The following CHLSN variants were observed in gnomAD, a reference collection of about 807,000 sequenced individuals.
The protein encoded by CHLSN is protein cholesin.
the CHLSN span, among the ~76,000 whole-genome samples, chr7:991,069 T>C: frequency 7.2e-5 from 11 of 151,958 alleles, no homozygotes; most frequent in African/African-American, 2.7e-4. Flanking sequence ...GCCCCCGCCT[T>C]ACATTGGCCT....
chr7:982,293 C>G, the CHLSN span, among the ~76,000 whole-genome samples: 345 of 152,362 alleles, frequency 2.3e-3, 3 homozygotes, highest in African/African-American at 8.0e-3. Flanking sequence ...GTGAGGGCCT[C>G]AGGCTGCCTC....
At chr7:1,076,740 G>A in the CHLSN span, among the ~76,000 whole-genome samples, 313 of 152,350 alleles carry the variant, frequency 2.1e-3, 1 homozygote, top group African/African-American at 7.1e-3. Flanking sequence ...GCCTTGGCCA[G>A]GACTCTTCCC....
chr7:996,366 CCAAGGGGGCA>C, the CHLSN span, among the ~76,000 whole-genome samples: 2 of 152,210 alleles, frequency 1.3e-5, no homozygotes, highest in Non-Finnish European at 2.9e-5. Context: ...GGCGGGGCAC[CCAAGGGGGCA>C]CTCAGGGCCT....
the CHLSN span, chr7:984,937 T>G: frequency 6.3e-7 from 1 of 1,588,360 alleles, no homozygotes; most frequent in Non-Finnish European, 8.5e-7. Context: ...CCACGCACTG[T>G]ATCTGCCTAC....
At chr7:1,007,597 G>A in the CHLSN span, among the ~76,000 whole-genome samples, 2 of 152,158 alleles carry the variant, frequency 1.3e-5, no homozygotes, top group African/African-American at 4.8e-5. Flanking sequence ...AGCTCCTGCC[G>A]GGGTGCCCGT....
At chr7:1,008,458 C>A in the CHLSN span, among the ~76,000 whole-genome samples, 1 of 152,158 alleles carries the variant, frequency 6.6e-6, no homozygotes, top group Non-Finnish European at 1.5e-5. Flanking sequence ...TAGCCCTGGG[C>A]ACCTGGCCTC....
At chr7:986,696 G>A in the CHLSN span, 188 of 1,612,536 alleles carry the variant, frequency 1.2e-4, no homozygotes, top group Admixed American at 1.0e-3. Context: ...GATCGAGGAG[G>A]TCCGTGCCAT....
At chr7:994,310 A>T in the CHLSN span, among the ~76,000 whole-genome samples, 1 of 151,848 alleles carries the variant, frequency 6.6e-6, no homozygotes. Context: ...ACAGGCGCCC[A>T]CCACCACACC....
the CHLSN span, chr7:997,571 T>C: frequency 7.1e-7 from 1 of 1,402,792 alleles, no homozygotes; most frequent in Non-Finnish European, 9.3e-7. Context: ...CTGCACCCTG[T>C]GTGGTCTGAG....
At chr7:1,079,487 G>C in the CHLSN span, among the ~76,000 whole-genome samples, 2 of 152,218 alleles carry the variant, frequency 1.3e-5, no homozygotes, top group Non-Finnish European at 2.9e-5. Context: ...CTGGGGAGAC[G>C]GTTTCGTGAG....
chr7:1,019,590 C>A, the CHLSN span, among the ~76,000 whole-genome samples: 1 of 152,248 alleles, frequency 6.6e-6, no homozygotes, highest in Non-Finnish European at 1.5e-5. Context: ...GCGGAGGTGG[C>A]CGTGGGGCTG....
the CHLSN span, chr7:1,091,884 C>G: frequency 6.2e-7 from 1 of 1,613,958 alleles, no homozygotes; most frequent in African/African-American, 1.3e-5. Context: ...TCTCGGAGCA[C>G]CAGCAGTACG....
At chr7:1,053,122 C>A in the CHLSN span, among the ~76,000 whole-genome samples, 12 of 151,990 alleles carry the variant, frequency 7.9e-5, no homozygotes, top group African/African-American at 2.9e-4. Context: ...CCCTGCTTCC[C>A]CAGACAGCCC....
chr7:1,066,144 C>T, the CHLSN span, among the ~76,000 whole-genome samples: 6 of 152,228 alleles, frequency 3.9e-5, no homozygotes, highest in Admixed American at 1.3e-4. Context: ...GAGAATGCGC[C>T]GGTTCTGTTC....
chr7:1,124,058 C>T, the CHLSN span, among the ~76,000 whole-genome samples: 30,109 of 152,226 alleles, frequency 0.2, 3,211 homozygotes, highest in African/African-American at 0.22. Context: ...TGTTACAGAC[C>T]AGCAGAGTCC....
the CHLSN span, chr7:986,485 C>T: frequency 9.2e-6 from 9 of 978,904 alleles, no homozygotes; most frequent in Admixed American, 2.3e-5. Context: ...GCTAAGGGTC[C>T]CCCCGTTCTG....
At chr7:1,034,951 C>CTT in the CHLSN span, among the ~76,000 whole-genome samples, 33 of 152,256 alleles carry the variant, frequency 2.2e-4, no homozygotes, top group African/African-American at 7.0e-4. Flanking sequence ...CCAGCTCCAT[C>CTT]CATGTTCCCA....
chr7:979,474 G>A, the CHLSN span, among the ~76,000 whole-genome samples: 8 of 152,122 alleles, frequency 5.3e-5, no homozygotes, highest in South Asian at 2.1e-4. Context: ...TGATTTGGCC[G>A]GGTGTGGTGG....
At chr7:1,046,183 GAGA>G in the CHLSN span, among the ~76,000 whole-genome samples, 1 of 152,222 alleles carries the variant, frequency 6.6e-6, no homozygotes, top group Admixed American at 6.5e-5. Flanking sequence ...CTGGGGCAGG[GAGA>G]AGAAGGGGCT....
Sources: gnomAD v4.1 joint callset for allele counts (sites outside exome capture counted in the v4.1 genomes callset) on GRCh38, gnomAD v4.1.1 for gene constraint, MANE v1.5 for transcripts, NCBI Gene and HGNC (gene_info 2026-07-23, HGNC 2026-07-21) for gene names.